Variants in AFF4 observed in about 807,000 individuals in gnomAD.
AFF4 encodes the protein AF4/FMR2 family member 4.
AFF4 carries 13 observed loss-of-function variants against 124.8 expected under a neutral mutation model. The ratio of observed to expected loss-of-function variants is 0.10; its 90% CI spans 0.07 to 0.17. The LOEUF (loss-of-function observed/expected upper bound fraction) is 0.17. AFF4 is among the 10% of genes least tolerant of loss of function. AFF4 has a pLI of 1.00. For synonymous variants in AFF4, 477 were observed against 496.1 expected, an observed-to-expected ratio of 0.96 and a Z score of 0.51; for missense variants, 1,092 against 1,403.8, an observed-to-expected ratio of 0.78 and a Z score of 3.55.
chr5:132,928,757 C>G (rs1180713193), intron 4 of AFF4, among the ~76,000 whole-genome samples: 3 of 152,148 alleles, frequency 2.0e-5, no homozygotes, highest in African/African-American at 7.2e-5. Context: ...ACAAATCAGT[C>G]TACGTCCTAG....
chr5:132,935,273 T>A (rs1278838909), intron 2 of AFF4, among the ~76,000 whole-genome samples: 2 of 152,168 alleles, frequency 1.3e-5, no homozygotes, highest in Non-Finnish European at 2.9e-5. Context: ...ATTTCACCTG[T>A]GAAGAGCAAC....
chr5:132,886,499 G>T, intron 17 of AFF4, 96 bp from the exon 18 acceptor site: 1 of 1,092,802 alleles, frequency 9.2e-7, no homozygotes, highest in Non-Finnish European at 1.4e-6. Flanking sequence ...ACTGGCTCAT[G>T]TGACCATGGC....
At chr5:132,899,513 T>C in intron 8 of AFF4, 74 bp downstream of exon 8, 3 of 1,308,758 alleles carry the variant, frequency 2.3e-6, no homozygotes, top group Non-Finnish European at 3.2e-6. Flanking sequence ...AAATGCATTA[T>C]TCAATTATCA....
Position 132,880,476 on chromosome 5 carries a change from A to G in AFF4, c.*583T>C, listed in dbSNP as rs1759946988. ...TTTCATGTGTAGAAGAATATCCTTA[A>G]TACTAACTGTAAATTCCACAATAAT... On this transcript the variant is annotated 3_prime_UTR_variant, in exon 21 of 21. Coordinates refer to ENST00000265343, the MANE Select transcript of AFF4 (RefSeq NM_014423.4). The G allele has an allele frequency of 5.0e-6, 2 of 397,332 alleles. No homozygotes were observed. Among genetic ancestry groups the G allele is most frequent in the Non-Finnish European group, 8.9e-6 (2 of 225,436 alleles). The allele number at this position is 397,332 out of a possible 1,614,324, so 24.6% of individuals were successfully genotyped here.
chr5:132,916,936 T>C (rs1024280135), intron 5 of AFF4, among the ~76,000 whole-genome samples: 10 of 152,216 alleles, frequency 6.6e-5, no homozygotes, highest in Admixed American at 1.3e-4. Flanking sequence ...TTTTGTTTTT[T>C]TGAGATAGAG....
intron 19 of AFF4, among the ~76,000 whole-genome samples, chr5:132,884,560 C>T (rs1376917157): frequency 2.0e-5 from 3 of 152,094 alleles, no homozygotes; most frequent in Non-Finnish European, 4.4e-5. Context: ...TTTATCTGCA[C>T]TTTTAGCATT....
At position 132,891,864 on chromosome 5, in the gene AFF4, C is replaced by A. The variant is rs1259437492; in HGVS notation, c.2637+300G>T. On this transcript the variant is annotated intron_variant, in intron 13 of 20. Transcript: ENST00000265343. Reference sequence around the variant, plus strand: ...ACAGGGTCTCACCACATTGCCCAGGCTGGACTCAAATTCCTCAAATGATCC... The same window carrying A: ...ACAGGGTCTCACCACATTGCCCAGGATGGACTCAAATTCCTCAAATGATCC... The A allele has an allele frequency of 8.5e-6, 4 of 472,306 alleles. No individual in the cohort carries two copies. In the Admixed American group the frequency reaches 1.4e-4, roughly 17 times the overall value. 29.3% of individuals were successfully genotyped at this position (472,306 alleles called of 1,614,324 possible). A position where few individuals can be genotyped will look rare whatever the true frequency, so the allele number is the denominator to read the frequency against.
At chr5:132,893,216 A>C in intron 11 of AFF4, 98 bp from the exon 12 acceptor site, 1 of 961,676 alleles carries the variant, frequency 1.0e-6, no homozygotes, top group East Asian at 2.4e-5. Context: ...ATTAGGCATC[A>C]GAAAGAAGAT....
At chr5:132,921,359 A>G (rs1341530607) in intron 5 of AFF4, among the ~76,000 whole-genome samples, 2 of 152,176 alleles carry the variant, frequency 1.3e-5, no homozygotes, top group Non-Finnish European at 2.9e-5. Flanking sequence ...GACTGACAAT[A>G]TCAAGTGTTA....
In AFF4 at chr5:132,878,201, C is replaced by G. The variant is rs771152519; in HGVS notation, c.*2858G>C. 6.1e-5 allele frequency: 14 copies of G among 228,642 alleles called. No homozygotes were observed. Among genetic ancestry groups the G allele is most frequent in the Non-Finnish European group, 1.1e-4 (13 of 115,146 alleles). The allele number at this position is 228,642 out of a possible 1,614,324, so 14.2% of individuals were successfully genotyped here. ...CTCCCCTGAAGGGGAATGCTTCCCA[C>G]AGCCCAGCCCAGTCTGGCCCAGGCA... On this transcript the variant is annotated 3_prime_UTR_variant, in exon 21 of 21. Transcript: ENST00000265343.
At chr5:132,929,904 T>G (rs752037916) in intron 4 of AFF4, among the ~76,000 whole-genome samples, 1 of 152,116 alleles carries the variant, frequency 6.6e-6, no homozygotes, top group Non-Finnish European at 1.5e-5. Context: ...GAGGCCTCTG[T>G]TATAATTACT....
chr5:132,880,083 C>T lies in AFF4; in HGVS notation c.*976G>A. 2.5e-6 allele frequency: 1 copy of T among 396,898 alleles called. No homozygotes were observed. Among genetic ancestry groups the T allele is most frequent in the Non-Finnish European group, 4.4e-6 (1 of 225,376 alleles). 24.6% of individuals were successfully genotyped at this position (396,898 alleles called of 1,614,324 possible). A position where few individuals can be genotyped will look rare whatever the true frequency, so the allele number is the denominator to read the frequency against. ...GGAAAAATCTGAAAAATAACTCTAA[C>T]TATCAAAGATAATCAATTAAAGACA... On this transcript the variant is annotated 3_prime_UTR_variant, in exon 21 of 21. Transcript: ENST00000265343.
chr5:132,877,205 A>G lies in AFF4; in HGVS notation c.*3854T>C. The G allele has an allele frequency of 4.9e-6, 1 of 206,048 alleles. No homozygotes were observed. Among genetic ancestry groups the G allele is most frequent in the Non-Finnish European group, 9.9e-6 (1 of 100,718 alleles). 12.8% of individuals were successfully genotyped at this position (206,048 alleles called of 1,614,324 possible). A position where few individuals can be genotyped will look rare whatever the true frequency, so the allele number is the denominator to read the frequency against. Reference sequence around the variant, plus strand: ...AGATGTTCCTGGGACCCAGACACAAACTCCTATAAATCAAAATATATAATG... The same window carrying G: ...AGATGTTCCTGGGACCCAGACACAAGCTCCTATAAATCAAAATATATAATG... On this transcript the variant is annotated 3_prime_UTR_variant, in exon 21 of 21. Transcript: ENST00000265343.
chr5:132,882,652 C>T (rs1344964044), intron 20 of AFF4, among the ~76,000 whole-genome samples: 1 of 151,946 alleles, frequency 6.6e-6, no homozygotes. Context: ...GTCAGCAGTT[C>T]AAGACCAGCC....
Position 132,963,624 on chromosome 5 carries a change from C to G in AFF4, c.-370G>C, listed in dbSNP as rs777220633. 3 of 397,010 alleles carry G rather than the reference C, an allele frequency of 7.6e-6. No individual in the cohort carries two copies. The East Asian group carries it at 1.1e-4, about 14-fold the overall frequency. The allele number at this position is 397,010 out of a possible 1,614,324, so 24.6% of individuals were successfully genotyped here. A position where few individuals can be genotyped will look rare whatever the true frequency, so the allele number is the denominator to read the frequency against. On this transcript the variant is annotated 5_prime_UTR_variant, in exon 1 of 21. Coordinates refer to ENST00000265343, the MANE Select transcript of AFF4 (RefSeq NM_014423.4). ...GGCAGCTGGACTCCTGCAGCCAGGGCTGTGACTGACGCAGCGGCCGTGCCA... is the reference window on the plus strand; with the variant it reads ...GGCAGCTGGACTCCTGCAGCCAGGGGTGTGACTGACGCAGCGGCCGTGCCA...
At chr5:132,908,772 ATATAT>A (rs200513019) in intron 5 of AFF4, among the ~76,000 whole-genome samples, 29 of 102,822 alleles carry the variant, frequency 2.8e-4, no homozygotes, top group South Asian at 1.4e-3. Flanking sequence ...ATATATATAT[ATATAT>A]TTTTTTTTTT....
chr5:132,951,993 T>A (rs1431943745), intron 1 of AFF4, among the ~76,000 whole-genome samples: 3 of 152,246 alleles, frequency 2.0e-5, no homozygotes, highest in African/African-American at 7.2e-5. Flanking sequence ...TCATTTATTT[T>A]CACTGTGTAT....
At chr5:132,890,681 C>A (rs928028427) in intron 13 of AFF4, among the ~76,000 whole-genome samples, 1 of 152,098 alleles carries the variant, frequency 6.6e-6, no homozygotes, top group African/African-American at 2.4e-5. Flanking sequence ...ATTGTCAAGA[C>A]TAACAAATAC....
intron 16 of AFF4, 27 bp from the exon 17 acceptor site, chr5:132,887,619 G>A (rs1760148331): frequency 6.3e-7 from 1 of 1,585,456 alleles, no homozygotes; most frequent in Non-Finnish European, 8.7e-7. Flanking sequence ...ACAAACAAAT[G>A]ACAAACAGAA....
Sources: gnomAD v4.1 joint callset for allele counts (sites outside exome capture counted in the v4.1 genomes callset) on GRCh38, gnomAD v4.1.1 for gene constraint, MANE v1.5 for transcripts, NCBI Gene and HGNC (gene_info 2026-07-23, HGNC 2026-07-21) for gene names.